Variants in PALM2AKAP2 observed in about 807,000 individuals in gnomAD.
PALM2AKAP2 encodes the protein PALM2 and AKAP2 fusion.
A neutral mutation model predicts 71.5 loss-of-function variants in PALM2AKAP2; 37 were observed. That is an observed-to-expected ratio of 0.52 (90% confidence interval 0.40 to 0.68). The LOEUF (loss-of-function observed/expected upper bound fraction) is 0.68, where lower values mean the gene tolerates loss of function less well. PALM2AKAP2 is among the 30% of genes least tolerant of loss of function. The probability of loss-of-function intolerance (pLI) is 0.00; values close to 1 mark genes in which losing one functional copy is unlikely to be tolerated. For missense variants in PALM2AKAP2, 1,224 were observed against 1,191.8 expected, an observed-to-expected ratio of 1.03 and a Z score of -0.40; for synonymous variants, 468 against 478.8, an observed-to-expected ratio of 0.98 and a Z score of 0.29.
At chr9:109,690,221 A>G (rs1333851223) in intron 1 of PALM2AKAP2, among the ~76,000 whole-genome samples, 1 of 152,230 alleles carries the variant, frequency 6.6e-6, no homozygotes, top group Admixed American at 6.5e-5. Context: ...TTAGTTCACA[A>G]TCTAGAAATA....
intron 5 of PALM2AKAP2, among the ~76,000 whole-genome samples, chr9:109,928,767 G>A (rs935158843): frequency 7.2e-5 from 11 of 151,866 alleles, no homozygotes; most frequent in African/African-American, 2.7e-4. Context: ...CGCCTCCAGG[G>A]TTCAAGCGAT....
chr9:109,781,922 A>G (rs1826811823), intron 1 of PALM2AKAP2, among the ~76,000 whole-genome samples: 1 of 152,220 alleles, frequency 6.6e-6, no homozygotes. Context: ...CTTGATAAGA[A>G]TGGTGATATT....
intron 1 of PALM2AKAP2, among the ~76,000 whole-genome samples, chr9:109,682,316 A>G (rs759888248): frequency 2.1e-4 from 32 of 152,326 alleles, no homozygotes; most frequent in Non-Finnish European, 4.0e-4. Flanking sequence ...GTGTTTCTGG[A>G]TCACTTTGCT....
intron 2 of PALM2AKAP2, among the ~76,000 whole-genome samples, chr9:110,154,998 T>G (rs780372390): frequency 3.9e-5 from 6 of 152,164 alleles, no homozygotes; most frequent in Non-Finnish European, 8.8e-5. Flanking sequence ...TGATCTATAG[T>G]CAGTCACGTA....
intron 1 of PALM2AKAP2, among the ~76,000 whole-genome samples, chr9:110,087,239 C>A (rs1834595096): frequency 6.6e-6 from 1 of 152,174 alleles, no homozygotes; most frequent in African/African-American, 2.4e-5. Context: ...AAAGGTGTCC[C>A]CTTTTGTGCT....
intron 1 of PALM2AKAP2, among the ~76,000 whole-genome samples, chr9:109,768,036 A>AGGCAGGTAGGGAGG (rs879480476): frequency 4.4e-5 from 5 of 112,594 alleles, no homozygotes; most frequent in South Asian, 3.3e-4. Flanking sequence ...AAGGAAAGAA[A>AGGCAGGTAGGGAGG]AAGAGGGAAG....
Position 110,154,364 on chromosome 9 carries a change from T to A in PALM2AKAP2, c.2570-1955T>A, listed in dbSNP as rs1305272712. ...GCTCCAGAGCTTACACGCTCACCAC[T>A]GTGCTATATTGTTTCTTAAGCCTTC... On this transcript the variant is annotated intron_variant, in intron 2 of 3. Coordinates refer to ENST00000374525, the Ensembl canonical transcript of PALM2AKAP2. 2.6e-5 allele frequency among the ~76,000 whole-genome samples: 4 copies of A among 152,324 alleles called. No homozygotes were observed. The South Asian group carries it at 8.3e-4, about 32-fold the overall frequency.
At chr9:110,049,877 G>A (rs1833677261) in intron 1 of PALM2AKAP2, among the ~76,000 whole-genome samples, 1 of 152,236 alleles carries the variant, frequency 6.6e-6, no homozygotes, top group South Asian at 2.1e-4. Context: ...GGGCTGCCGA[G>A]CTCTCCAACG....
At chr9:110,126,500 T>G (rs1422495452) in intron 1 of PALM2AKAP2, among the ~76,000 whole-genome samples, 1 of 152,232 alleles carries the variant, frequency 6.6e-6, no homozygotes, top group Admixed American at 6.5e-5. Context: ...GGGTAGGGAC[T>G]ACCTTGCAAA....
chr9:109,861,641 T>C (rs1829312750), intron 1 of PALM2AKAP2, among the ~76,000 whole-genome samples: 1 of 152,220 alleles, frequency 6.6e-6, no homozygotes, highest in African/African-American at 2.4e-5. Context: ...TGGTTGCTAC[T>C]GTCAGCTCAT....
chr9:110,089,014 C>T (rs766468885), intron 1 of PALM2AKAP2, among the ~76,000 whole-genome samples: 14 of 152,120 alleles, frequency 9.2e-5, no homozygotes, highest in African/African-American at 1.7e-4. Flanking sequence ...GCCACCGCGC[C>T]GGCCTACAGT....
chr9:110,028,329 G>A (rs931673756), intron 7 of PALM2AKAP2, among the ~76,000 whole-genome samples: 1 of 151,732 alleles, frequency 6.6e-6, no homozygotes, highest in African/African-American at 2.4e-5. Flanking sequence ...AGGAATATTC[G>A]TGGCAAGTGA....
chr9:109,701,871 C>A (rs937624764), intron 1 of PALM2AKAP2, among the ~76,000 whole-genome samples: 1 of 152,130 alleles, frequency 6.6e-6, no homozygotes, highest in Non-Finnish European at 1.5e-5. Flanking sequence ...TATCCAGAAT[C>A]TACAATGAAC....
intron 1 of PALM2AKAP2, among the ~76,000 whole-genome samples, chr9:109,746,933 T>C (rs1828812401): frequency 6.6e-6 from 1 of 152,088 alleles, no homozygotes; most frequent in African/African-American, 2.4e-5. Context: ...GCAGTGCGTG[T>C]GGCAGAGATG....
At chr9:109,895,365 T>C (rs969451268) in intron 3 of PALM2AKAP2, among the ~76,000 whole-genome samples, 2 of 152,220 alleles carry the variant, frequency 1.3e-5, no homozygotes, top group Admixed American at 1.3e-4. Context: ...GCCACACAGA[T>C]GTCTTGGCTT....
intron 1 of PALM2AKAP2, among the ~76,000 whole-genome samples, chr9:110,086,834 C>T (rs189719048): frequency 2.6e-5 from 4 of 152,258 alleles, no homozygotes; most frequent in South Asian, 4.2e-4. Context: ...AACAGATAGT[C>T]ATTTCATCTC....
chr9:109,882,752 C>T lies in PALM2AKAP2; in HGVS notation c.257+2071C>T, dbSNP rs558182522. Among the ~76,000 whole-genome samples the T allele has an allele frequency of 1.8e-3, 279 of 152,224 alleles. 3 individuals carry two copies. The highest frequency in any genetic ancestry group is 6.4e-3 in the African/African-American group (266 of 41,542). ...CAAACTTCTGGACTTAAGCTATCCT[C>T]CGACCTCAGCCTCTCAAATAGCTGG... On this transcript the variant is annotated intron_variant, in intron 3 of 9. Coordinates refer to the PALM2AKAP2 transcript ENST00000302798.
chr9:109,812,679 A>C (rs1035235262), intron 1 of PALM2AKAP2, among the ~76,000 whole-genome samples: 1 of 152,200 alleles, frequency 6.6e-6, no homozygotes, highest in African/African-American at 2.4e-5. Flanking sequence ...GACAGTGCAA[A>C]TGGAAACCAC....
chr9:109,982,585 A>G (rs531304439), intron 6 of PALM2AKAP2, among the ~76,000 whole-genome samples: 10 of 152,318 alleles, frequency 6.6e-5, no homozygotes, highest in African/African-American at 2.2e-4. Context: ...TACTTCATAT[A>G]TTATACCTAC....
Sources: allele counts gnomAD v4.1 joint callset (sites outside exome capture counted in the v4.1 genomes callset), GRCh38; gene constraint gnomAD v4.1.1; transcripts MANE v1.5; gene names NCBI Gene and HGNC (gene_info 2026-07-23, HGNC 2026-07-21).